The following HYAL4 variants were observed in gnomAD, a reference collection of about 807,000 sequenced individuals.
HYAL4 encodes hyaluronidase 4, also known as hyaluronidase-4.
Under a neutral mutation model 35.2 loss-of-function variants are expected in HYAL4, and 37 were observed. The observed-to-expected ratio is 1.05, with a 90% CI of 0.81 to 1.38. The LOEUF (loss-of-function observed/expected upper bound fraction) is 1.38, where lower values mean the gene tolerates loss of function less well. Ranked by LOEUF, HYAL4 falls within the 40% of genes most tolerant of loss-of-function variation. The pLI is 0.00. For synonymous variants in HYAL4, 198 were observed against 203.2 expected, an observed-to-expected ratio of 0.97 and a Z score of 0.22; for missense variants, 572 against 572.4, an observed-to-expected ratio of 1.00 and a Z score of 0.01.
rs376749307 is a variant in HYAL4, at chr7:123,869,057, A to G, written c.784A>G (p.Ile262Val). Residue 262 changes from isoleucine to valine, a missense_variant, in exon 3 of 5, where the codon ATC (isoleucine) becomes GTC (valine). Ile to Val is a conservative substitution (Grantham distance 29). Coordinates refer to ENST00000223026, the MANE Select transcript of HYAL4 (RefSeq NM_012269.3). ...WNSSAALYPS[I>V]GVWKSLGDSE... Reference sequence around the variant, plus strand: ...CAGCAGTGCTGCTTTATATCCTTCTATCGGTGTCTGGAAATCCCTTGGAGA... The same window carrying G: ...CAGCAGTGCTGCTTTATATCCTTCTGTCGGTGTCTGGAAATCCCTTGGAGA... The G allele has an allele frequency of 8.4e-5, 136 of 1,614,036 alleles. No individual in the cohort carries two copies. The highest frequency in any genetic ancestry group is 4.9e-4 in the Middle Eastern group (3 of 6,084).
At chr7:123,874,875 T>C (rs1806972315) in intron 4 of HYAL4, 25 bp downstream of exon 4, 1 of 1,289,864 alleles carries the variant, frequency 7.8e-7, no homozygotes, top group Non-Finnish European at 1.1e-6. Context: ...TGAAGGTATA[T>C]TTAATGTTTT....
chr7:123,812,200 C>T, the HYAL4 span, among the ~76,000 whole-genome samples: 1,488 of 152,194 alleles, frequency 9.8e-3, 10 homozygotes, highest in Middle Eastern at 0.017. Flanking sequence ...CTTCACTAGA[C>T]CTGGCTACTT....
intron 2 of HYAL4, among the ~76,000 whole-genome samples, chr7:123,859,554 G>A (rs938314681): frequency 1.3e-5 from 2 of 151,996 alleles, no homozygotes; most frequent in Non-Finnish European, 2.9e-5. Context: ...GGCTGATAGT[G>A]TTCATTTCCA....
At chr7:123,800,787 G>A in the HYAL4 span, among the ~76,000 whole-genome samples, 1 of 151,870 alleles carries the variant, frequency 6.6e-6, no homozygotes, top group Admixed American at 6.6e-5. Context: ...CTCCTGAGTA[G>A]CTGGGATTAC....
At chr7:123,830,162 A>C (rs151056823) in intron 1 of HYAL4, among the ~76,000 whole-genome samples, 5 of 152,324 alleles carry the variant, frequency 3.3e-5, no homozygotes, top group African/African-American at 9.6e-5. Flanking sequence ...GTTTTGTCGT[A>C]GTTTATTTTA....
chr7:123,774,117 G>T, the HYAL4 span, among the ~76,000 whole-genome samples: 1 of 152,070 alleles, frequency 6.6e-6, no homozygotes, highest in Admixed American at 6.6e-5. Context: ...CAAACTCCTA[G>T]GTTCAACTCC....
the HYAL4 span, among the ~76,000 whole-genome samples, chr7:123,817,592 C>A: frequency 6.9e-6 from 1 of 145,886 alleles, no homozygotes; most frequent in Non-Finnish European, 1.5e-5. Flanking sequence ...CTCACTGCAA[C>A]CTCCGTCTCC....
the HYAL4 span, among the ~76,000 whole-genome samples, chr7:123,771,575 C>G: frequency 2.0e-5 from 3 of 152,126 alleles, no homozygotes; most frequent in Non-Finnish European, 4.4e-5. Flanking sequence ...TTTCATCTCA[C>G]TAATATCTTG....
chr7:123,833,748 A>G (rs1381036384), intron 1 of HYAL4, among the ~76,000 whole-genome samples: 1 of 152,030 alleles, frequency 6.6e-6, no homozygotes. Flanking sequence ...CTTCATCTTG[A>G]GTTGATTTTT....
chr7:123,855,106 G>A (rs1360719595), intron 2 of HYAL4, among the ~76,000 whole-genome samples: 2 of 152,116 alleles, frequency 1.3e-5, no homozygotes, highest in Non-Finnish European at 1.5e-5. Flanking sequence ...CTTTACACGT[G>A]TGATGGTTCT....
chr7:123,821,856 T>C, the HYAL4 span, among the ~76,000 whole-genome samples: 1 of 152,180 alleles, frequency 6.6e-6, no homozygotes. Context: ...ATTTCATTTC[T>C]GGGCCTACAG....
rs369885399 is a variant in HYAL4, at chr7:123,856,671, C to G, written c.-52+8513C>G. Among the ~76,000 whole-genome samples, 45 of 152,270 alleles carry G rather than the reference C, an allele frequency of 3.0e-4. 1 individual carries two copies. The highest frequency in any genetic ancestry group is 1.1e-3 in the African/African-American group (44 of 41,562). Reference sequence around the variant, plus strand: ...TTAGGAGGCATGGGGGTGAGGGACCCATTCGAGGAGGCAGTCTGTCCCTTA... The same window carrying G: ...TTAGGAGGCATGGGGGTGAGGGACCGATTCGAGGAGGCAGTCTGTCCCTTA... On this transcript the variant is annotated intron_variant, in intron 2 of 4. Coordinates refer to ENST00000223026, the MANE Select transcript of HYAL4 (RefSeq NM_012269.3).
intron 2 of HYAL4, among the ~76,000 whole-genome samples, chr7:123,857,661 C>CTTTGTTTGTTTG (rs55760125): frequency 3.6e-4 from 32 of 88,324 alleles, no homozygotes; most frequent in East Asian, 2.9e-3. Context: ...TTGTTTCTTT[C>CTTTGTTTGTTTG]TTTGTTTGTT....
chr7:123,776,033 A>G, the HYAL4 span, among the ~76,000 whole-genome samples: 1 of 152,342 alleles, frequency 6.6e-6, no homozygotes, highest in African/African-American at 2.4e-5. Context: ...AATCCATTTT[A>G]AATAGGAATT....
chr7:123,837,304 T>G (rs1421678739), intron 1 of HYAL4, among the ~76,000 whole-genome samples: 3 of 152,190 alleles, frequency 2.0e-5, no homozygotes, highest in African/African-American at 7.2e-5. Context: ...CTTTACAGGT[T>G]ACCTGATGCT....
the HYAL4 span, among the ~76,000 whole-genome samples, chr7:123,798,557 G>A: frequency 6.6e-6 from 1 of 152,178 alleles, no homozygotes; most frequent in Non-Finnish European, 1.5e-5. Context: ...TAGGAAAGAC[G>A]AAGCTGAAAC....
At chr7:123,799,896 C>T in the HYAL4 span, among the ~76,000 whole-genome samples, 1 of 152,062 alleles carries the variant, frequency 6.6e-6, no homozygotes, top group Non-Finnish European at 1.5e-5. Flanking sequence ...CTTGGTAGCT[C>T]ACGCCTGTAA....
At chr7:123,785,743 C>T in the HYAL4 span, among the ~76,000 whole-genome samples, 3 of 152,106 alleles carry the variant, frequency 2.0e-5, no homozygotes, top group African/African-American at 7.2e-5. This position sits in a 1 kb window ranked among gnomAD's most constrained non-coding sequence, Gnocchi z 4.5. Flanking sequence ...TCTTTAAGTT[C>T]TTTGAACTCA....
At chr7:123,804,539 A>T in the HYAL4 span, among the ~76,000 whole-genome samples, 1 of 152,198 alleles carries the variant, frequency 6.6e-6, no homozygotes. Context: ...AGCTAATTTA[A>T]AAAAAGAAAA....
Sources: gnomAD v4.1 joint callset for allele counts (sites outside exome capture counted in the v4.1 genomes callset) on GRCh38, gnomAD v4.1.1 for gene constraint, Gnocchi (gnomAD v3.1) non-coding constraint, MANE v1.5 for transcripts, NCBI Gene and HGNC (gene_info 2026-07-23, HGNC 2026-07-21) for gene names.